Variants in BCKDHB observed in about 807,000 individuals in gnomAD.
BCKDHB encodes the protein 2-oxoisovalerate dehydrogenase subunit beta, mitochondrial.
In BCKDHB, 41 loss-of-function variants were observed where a neutral mutation model predicts 48.5. The observed-to-expected ratio is 0.85, with a 90% CI of 0.66 to 1.10. The LOEUF is 1.10. Among genes scored for constraint, BCKDHB ranks in the 50% least tolerant of loss-of-function variants. The probability of loss-of-function intolerance (pLI) is 0.00; values close to 1 mark genes in which losing one functional copy is unlikely to be tolerated. For synonymous variants in BCKDHB, 201 were observed against 174.8 expected (o/e 1.15, Z -1.18); for missense variants, 496 against 494.2 (o/e 1.00, Z -0.03).
intron 9 of BCKDHB, among the ~76,000 whole-genome samples, chr6:80,316,624 G>C (rs1768461456): frequency 1.3e-5 from 2 of 152,126 alleles, no homozygotes; most frequent in Admixed American, 1.3e-4. Context: ...AATTCTTAAA[G>C]GGCTTTATAC....
the BCKDHB span, among the ~76,000 whole-genome samples, chr6:80,394,467 C>T: frequency 6.6e-6 from 1 of 151,620 alleles, no homozygotes; most frequent in Admixed American, 6.6e-5. Context: ...TTCAAGTTTA[C>T]TTCTGCTCCC....
intron 1 of BCKDHB, among the ~76,000 whole-genome samples, chr6:80,113,338 A>T (rs1362560536): frequency 6.6e-6 from 1 of 152,182 alleles, no homozygotes; most frequent in East Asian, 1.9e-4. Flanking sequence ...GCCCACAATT[A>T]TCAGGGAGCT....
chr6:80,404,780 A>AT, the BCKDHB span, among the ~76,000 whole-genome samples: 7 of 151,996 alleles, frequency 4.6e-5, no homozygotes, highest in African/African-American at 1.7e-4. Context: ...GTCTCAAGAT[A>AT]TTTTTTGATT....
intron 8 of BCKDHB, among the ~76,000 whole-genome samples, chr6:80,222,269 T>C (rs901235442): frequency 6.6e-6 from 1 of 152,200 alleles, no homozygotes; most frequent in African/African-American, 2.4e-5. Context: ...CCTAATTTTA[T>C]ATGACAAAGC....
At chr6:80,424,247 G>T in the BCKDHB span, among the ~76,000 whole-genome samples, 1 of 152,182 alleles carries the variant, frequency 6.6e-6, no homozygotes, top group Non-Finnish European at 1.5e-5. Context: ...ACTACCCAGA[G>T]TCCTCTTGAG....
rs79752986 is a variant in BCKDHB, at chr6:80,162,558, A to G, written c.344-5120A>G. Among the ~76,000 whole-genome samples the G allele has an allele frequency of 2.3e-3, 356 of 152,270 alleles. 1 individual carries two copies. The highest frequency in any genetic ancestry group is 3.4e-3 in the Non-Finnish European group (232 of 68,026). ...ATATGCTGTTATTTTTTCCATCTTA[A>G]AAACCTGTCTTGCTGGGTGCAGTGG... is the stretch of plus-strand genomic sequence containing the variant. On this transcript the variant is annotated intron_variant, in intron 3 of 9. Coordinates refer to ENST00000320393, the MANE Select transcript of BCKDHB (RefSeq NM_183050.4).
chr6:80,236,077 A>G (rs1334076883), intron 8 of BCKDHB, among the ~76,000 whole-genome samples: 1 of 152,192 alleles, frequency 6.6e-6, no homozygotes, highest in Non-Finnish European at 1.5e-5. Flanking sequence ...TTCAATCTCA[A>G]GTTTATTCAG....
intron 8 of BCKDHB, among the ~76,000 whole-genome samples, chr6:80,213,510 G>A (rs76010139): frequency 0.019 from 2,873 of 152,070 alleles, 45 homozygotes; most frequent in Non-Finnish European, 0.03. Flanking sequence ...CCTGAATTTC[G>A]TAGCCATCAC....
intron 1 of BCKDHB, among the ~76,000 whole-genome samples, chr6:80,123,813 A>G (rs1420306475): frequency 6.6e-6 from 1 of 152,120 alleles, no homozygotes; most frequent in Non-Finnish European, 1.5e-5. Flanking sequence ...CTAGTGGTCT[A>G]TCAATTTTGT....
the BCKDHB span, among the ~76,000 whole-genome samples, chr6:80,389,448 G>T: frequency 6.6e-6 from 1 of 152,180 alleles, no homozygotes; most frequent in African/African-American, 2.4e-5. Flanking sequence ...TGTCCGTAAT[G>T]GAAAGGGCAG....
intron 6 of BCKDHB, among the ~76,000 whole-genome samples, chr6:80,172,213 C>T (rs1243961064): frequency 6.6e-6 from 1 of 151,998 alleles, no homozygotes. Flanking sequence ...CTTTTCTTTG[C>T]TGAGTAGTAG....
chr6:80,433,501 C>T, the BCKDHB span, among the ~76,000 whole-genome samples: 10 of 152,170 alleles, frequency 6.6e-5, no homozygotes, highest in Admixed American at 5.2e-4. Flanking sequence ...TGGCAGACAC[C>T]CCTCCCCGCG....
At chr6:80,157,250 A>G (rs1371516400) in intron 3 of BCKDHB, among the ~76,000 whole-genome samples, 7 of 152,144 alleles carry the variant, frequency 4.6e-5, no homozygotes, top group Non-Finnish European at 1.0e-4. Context: ...AAATCATGAC[A>G]TAATCCACTG....
chr6:80,435,830 G>A, the BCKDHB span, among the ~76,000 whole-genome samples: 4 of 152,074 alleles, frequency 2.6e-5, no homozygotes, highest in Admixed American at 1.3e-4. Context: ...TCCAGAGTTC[G>A]AGACCAGCCT....
chr6:80,367,384 T>C, the BCKDHB span, among the ~76,000 whole-genome samples: 1 of 152,250 alleles, frequency 6.6e-6, no homozygotes, highest in Non-Finnish European at 1.5e-5. Context: ...ACCAAAATTA[T>C]ACAGCTATTA....
intron 8 of BCKDHB, among the ~76,000 whole-genome samples, chr6:80,233,495 C>T (rs1046030137): frequency 6.6e-6 from 1 of 152,142 alleles, no homozygotes; most frequent in Non-Finnish European, 1.5e-5. Context: ...TTATCTGCCT[C>T]TAAATTCTTT....
chr6:80,187,074 G>A (rs1191691579), intron 6 of BCKDHB, among the ~76,000 whole-genome samples: 1 of 152,164 alleles, frequency 6.6e-6, no homozygotes, highest in Admixed American at 6.5e-5. Flanking sequence ...AAAGTTTACA[G>A]TGTGAGTCTC....
the BCKDHB span, among the ~76,000 whole-genome samples, chr6:80,437,144 T>C: frequency 6.6e-6 from 1 of 152,224 alleles, no homozygotes; most frequent in African/African-American, 2.4e-5. Flanking sequence ...AACTTTTGAA[T>C]TCTGCTGTCT....
intron 1 of BCKDHB, among the ~76,000 whole-genome samples, chr6:80,124,943 A>C (rs1387090513): frequency 6.6e-6 from 1 of 152,194 alleles, no homozygotes; most frequent in Non-Finnish European, 1.5e-5. Flanking sequence ...CTTCAACTTC[A>C]AATCACCAGC....
Sources: allele counts gnomAD v4.1 joint callset (sites outside exome capture counted in the v4.1 genomes callset), GRCh38; gene constraint gnomAD v4.1.1; transcripts MANE v1.5; gene names NCBI Gene and HGNC (gene_info 2026-07-23, HGNC 2026-07-21).